CSMD2: variants seen among roughly 807,000 people sequenced by gnomAD.
CSMD2 encodes the protein CUB and sushi domain-containing protein 2.
A neutral mutation model predicts 398.5 loss-of-function variants in CSMD2; 130 were observed. That is an observed-to-expected ratio of 0.33 (90% confidence interval 0.28 to 0.38). CSMD2 has a LOEUF of 0.38. Among genes scored for constraint, CSMD2 ranks in the 10% least tolerant of loss-of-function variants. The pLI is 1.00. For synonymous variants in CSMD2, 1,828 were observed against 1,908.5 expected, an observed-to-expected ratio of 0.96 and a Z score of 1.10; for missense variants, 3,829 against 4,764.9, an observed-to-expected ratio of 0.80 and a Z score of 5.78.
chr1:33,724,350 G>A, intron 18 of CSMD2, 37 bp from the exon 19 acceptor site: 4 of 1,551,844 alleles, frequency 2.6e-6, no homozygotes, highest in Non-Finnish European at 3.6e-6. Flanking sequence ...AAAGACCAGA[G>A]GGCCTCAGGG....
Position 33,772,563 on chromosome 1 carries a change from A to T in CSMD2, c.1846+6T>A. The stretch of plus-strand genomic sequence containing the variant: ...CCCTGGCGTGGCCTCCTCCCTGCTC[A>T]CTTACACACGCAGCCTGGCTTCTTA... On this transcript the variant is annotated splice_donor_region_variant and intron_variant, in intron 13 of 70. Coordinates refer to ENST00000373381, the MANE Select transcript of CSMD2 (RefSeq NM_001281956.2). 1 of 1,610,288 alleles carries T rather than the reference A, an allele frequency of 6.2e-7. No homozygotes were observed. The highest frequency in any genetic ancestry group is 8.5e-7 in the Non-Finnish European group (1 of 1,177,242).
chr1:33,871,755 T>A (rs1640483609), intron 5 of CSMD2, among the ~76,000 whole-genome samples: 1 of 152,198 alleles, frequency 6.6e-6, no homozygotes, highest in African/African-American at 2.4e-5. Context: ...TAGCTGGGAC[T>A]ACAGGTGTGT....
At chr1:33,968,863 T>A (rs12120071) in intron 3 of CSMD2, among the ~76,000 whole-genome samples, 7,853 of 152,320 alleles carry the variant, frequency 0.052, 305 homozygotes, top group East Asian at 0.18. Context: ...TTGGTAATTT[T>A]GATAATTTAT....
intron 44 of CSMD2, among the ~76,000 whole-genome samples, chr1:33,592,668 G>C (rs536028271): frequency 1.3e-5 from 2 of 152,200 alleles, no homozygotes; most frequent in African/African-American, 4.8e-5. Context: ...TTATCATGAC[G>C]GCCGGGCGCG....
intron 3 of CSMD2, among the ~76,000 whole-genome samples, chr1:34,011,237 G>GCTTC (rs1258705220): frequency 6.6e-6 from 1 of 152,154 alleles, no homozygotes; most frequent in African/African-American, 2.4e-5. Flanking sequence ...ATTACTACAT[G>GCTTC]CTTCCCTTCT....
chr1:33,584,346 A>G (rs1389927781), intron 46 of CSMD2, among the ~76,000 whole-genome samples: 1 of 152,170 alleles, frequency 6.6e-6, no homozygotes, highest in East Asian at 1.9e-4. Context: ...CAGAGATAAC[A>G]CAGACCTTAC....
rs541422675 is a variant in CSMD2 at position 33,626,469 on chromosome 1, G to A, written c.5296+17C>T. On this transcript the variant is annotated intron_variant, in intron 33 of 70. Coordinates refer to ENST00000373381, the MANE Select transcript of CSMD2 (RefSeq NM_001281956.2). ...CCGAGATCACCTTCCTACCTCCGGC[G>A]TCCATGTCCTCCATACCTTGGTAGA... 30 of 1,569,796 alleles carry A rather than the reference G, an allele frequency of 1.9e-5. No individual in the cohort carries two copies. The East Asian group carries it at 3.4e-4, about 18-fold the overall frequency.
At chr1:33,679,199 G>GTTTTTTT (rs58284803) in intron 25 of CSMD2, among the ~76,000 whole-genome samples, 1 of 84,212 alleles carries the variant, frequency 1.2e-5, no homozygotes, top group Admixed American at 1.2e-4. Flanking sequence ...AATTGCAGTT[G>GTTTTTTT]TTTTTTTTTT....
chr1:34,154,110 G>A (rs4652990), intron 1 of CSMD2, among the ~76,000 whole-genome samples: 92,414 of 152,056 alleles, frequency 0.61, 30,385 homozygotes, highest in Non-Finnish European at 0.74. Flanking sequence ...CAGAAGAAAA[G>A]AAGTTCAAAC....
chr1:33,870,887 A>T (rs972358835), intron 5 of CSMD2: 1 of 152,186 alleles, frequency 6.6e-6, no homozygotes, highest in Admixed American at 6.5e-5. Context: ...TGACATGCTG[A>T]AAGCTGCCCT....
intron 29 of CSMD2, among the ~76,000 whole-genome samples, chr1:33,639,350 C>G (rs1642980924): frequency 6.6e-6 from 1 of 152,214 alleles, no homozygotes; most frequent in African/African-American, 2.4e-5. Flanking sequence ...GCATTGGACC[C>G]TAGCTGGGAA....
Position 33,605,902 on chromosome 1 carries a change from C to T in CSMD2, c.6344-432G>A, listed in dbSNP as rs780432481. On this transcript the variant is annotated intron_variant, in intron 41 of 70. Coordinates refer to ENST00000373381, the MANE Select transcript of CSMD2 (RefSeq NM_001281956.2). ...TCAAGATCCCAGACATAGGAAGCGG[C>T]GACGGGAGGAGTTGAGTTGGTTCTT... is the stretch of plus-strand genomic sequence containing the variant. 1.4e-5 allele frequency: 23 copies of T among 1,613,636 alleles called. No homozygotes were observed. Among genetic ancestry groups the T allele is most frequent in the Admixed American group, 8.3e-5 (5 of 59,884 alleles).
chr1:33,810,510 C>T (rs543142998), intron 10 of CSMD2, among the ~76,000 whole-genome samples: 10 of 152,150 alleles, frequency 6.6e-5, no homozygotes, highest in African/African-American at 2.4e-4. Context: ...TTTTCTTTTC[C>T]CCTTAAGCTG....
intron 1 of CSMD2, among the ~76,000 whole-genome samples, chr1:34,126,784 CGGGGAGAGAGAGAGACATA>C (rs372119144): frequency 2.9e-4 from 22 of 75,714 alleles, no homozygotes; most frequent in East Asian, 9.1e-4. Flanking sequence ...AGGAGAGACT[CGGGGAGAGAGAGAGACATA>C]GGGGAGAGAG....
intron 12 of CSMD2, among the ~76,000 whole-genome samples, chr1:33,774,728 T>C (rs1651743426): frequency 6.6e-6 from 1 of 152,150 alleles, no homozygotes; most frequent in Non-Finnish European, 1.5e-5. Context: ...CAGCAGCTAG[T>C]CTGAGGCTGT....
At chr1:33,637,872 G>A (rs1408797140) in intron 29 of CSMD2, among the ~76,000 whole-genome samples, 2 of 152,276 alleles carry the variant, frequency 1.3e-5, no homozygotes, top group African/African-American at 4.8e-5. Context: ...CATCAGAGAT[G>A]AATGGCTCAG....
intron 5 of CSMD2, among the ~76,000 whole-genome samples, chr1:33,914,293 A>G (rs1232834206): frequency 2.0e-5 from 3 of 152,086 alleles, no homozygotes; most frequent in Admixed American, 6.5e-5. Context: ...ACAGGTGTGT[A>G]CATGTGCTTA....
intron 44 of CSMD2, among the ~76,000 whole-genome samples, chr1:33,592,842 G>A (rs1224262337): frequency 2.0e-5 from 3 of 151,902 alleles, no homozygotes; most frequent in African/African-American, 7.3e-5. Flanking sequence ...CCAGCTACTC[G>A]GGAGGCTGAG....
chr1:33,523,649 TG>T (rs1654510635), intron 66 of CSMD2, among the ~76,000 whole-genome samples: 1 of 152,230 alleles, frequency 6.6e-6, no homozygotes, highest in Non-Finnish European at 1.5e-5. Context: ...TGTTAATAAT[TG>T]GATTACCGGG....
Sources: allele counts gnomAD v4.1 joint callset (sites outside exome capture counted in the v4.1 genomes callset), GRCh38; gene constraint gnomAD v4.1.1; transcripts MANE v1.5; gene names NCBI Gene and HGNC (gene_info 2026-07-23, HGNC 2026-07-21).